The following GALNT18 variants were observed in gnomAD, a reference collection of about 807,000 sequenced individuals.
GALNT18 encodes the protein GalNAc-transferase 18.
Under a neutral mutation model 69.5 loss-of-function variants are expected in GALNT18, and 44 were observed. That is an observed-to-expected ratio of 0.63 (90% CI 0.50 to 0.81). The LOEUF is 0.81. Ranked by LOEUF, GALNT18 falls within the 40% of genes least tolerant of loss-of-function variation. The probability of loss-of-function intolerance (pLI) is 0.00; values close to 1 mark genes in which losing one functional copy is unlikely to be tolerated. For missense variants in GALNT18, 715 were observed against 810.0 expected (o/e 0.88, Z 1.42); for synonymous variants, 364 against 318.2 (o/e 1.14, Z -1.53).
At chr11:11,493,546 G>A (rs538322231) in intron 1 of GALNT18, among the ~76,000 whole-genome samples, 148 of 152,236 alleles carry the variant, frequency 9.7e-4, no homozygotes, top group African/African-American at 3.3e-3. Context: ...AGAGAATTAC[G>A]GATAACATTG....
intron 1 of GALNT18, among the ~76,000 whole-genome samples, chr11:11,508,215 G>A (rs949449023): frequency 2.6e-5 from 4 of 152,100 alleles, no homozygotes; most frequent in Non-Finnish European, 5.9e-5. Context: ...CCTTTGGTCT[G>A]GAACATTCCC....
intron 3 of GALNT18, among the ~76,000 whole-genome samples, chr11:11,394,287 A>C (rs997142169): frequency 6.6e-6 from 1 of 152,196 alleles, no homozygotes; most frequent in African/African-American, 2.4e-5. Context: ...GAATGCATAA[A>C]GGCTAGAAGC....
chr11:11,554,110 C>T (rs1858269487), intron 1 of GALNT18, among the ~76,000 whole-genome samples: 1 of 152,174 alleles, frequency 6.6e-6, no homozygotes, highest in Admixed American at 6.5e-5. Context: ...TCACCACTCC[C>T]TCCGCTGACT....
rs1326724159 is a variant in GALNT18, at chr11:11,511,665, G to T, written c.236-62729C>A. Reference sequence around the variant, plus strand: ...ATCCCCAGTGTGATGATGTTTGAAGGTAGGGCCTTTGGGAGGTGATTGGAT... The same window carrying T: ...ATCCCCAGTGTGATGATGTTTGAAGTTAGGGCCTTTGGGAGGTGATTGGAT... On this transcript the variant is annotated intron_variant, in intron 1 of 10. Transcript: ENST00000227756. This position sits in a 1 kb window ranked among gnomAD's most constrained non-coding sequence, Gnocchi z 4.9. 6.6e-6 allele frequency among the ~76,000 whole-genome samples: 1 copy of T among 152,200 alleles called. No individual in the cohort carries two copies. The highest frequency in any genetic ancestry group is 1.5e-5 in the Non-Finnish European group (1 of 68,028).
chr11:11,362,030 A>T lies in GALNT18; in HGVS notation c.1092+10485T>A, dbSNP rs1850655742. On this transcript the variant is annotated intron_variant, in intron 6 of 10. Transcript: ENST00000227756. Reference sequence around the variant, plus strand: ...AAAATCCAGAAACAGACCCAAAAGTATGTGGCAATTTATTGTACAATAAAG... The same window carrying T: ...AAAATCCAGAAACAGACCCAAAAGTTTGTGGCAATTTATTGTACAATAAAG... Among the ~76,000 whole-genome samples the T allele has an allele frequency of 3.3e-5, 5 of 152,344 alleles. No homozygotes were observed. In the South Asian group the frequency reaches 1.0e-3, roughly 32 times the overall value.
rs1238217164 is a variant in GALNT18, at chr11:11,583,434, C to T, written c.235+37925G>A. 6.6e-6 allele frequency among the ~76,000 whole-genome samples: 1 copy of T among 152,192 alleles called. No homozygotes were observed. Among genetic ancestry groups the T allele is most frequent in the African/African-American group, 2.4e-5 (1 of 41,454 alleles). Reference sequence around the variant, plus strand: ...TTCTGAATGAATGAAGAAATGTAGACTATCTGAATCCATAGGTGAAAATAA... The same window carrying T: ...TTCTGAATGAATGAAGAAATGTAGATTATCTGAATCCATAGGTGAAAATAA... On this transcript the variant is annotated intron_variant, in intron 1 of 10. Transcript: ENST00000227756. The surrounding 1 kb of genome is among the most constrained non-coding windows in gnomAD (Gnocchi z 4.7).
chr11:11,291,629 G>T (rs746610479), intron 10 of GALNT18, among the ~76,000 whole-genome samples: 3 of 151,128 alleles, frequency 2.0e-5, no homozygotes, highest in Non-Finnish European at 4.4e-5. Flanking sequence ...ACTTTGCAGG[G>T]TGAGCTGGGA....
At chr11:11,342,183 G>A (rs556456443) in intron 6 of GALNT18, among the ~76,000 whole-genome samples, 125 of 152,220 alleles carry the variant, frequency 8.2e-4, no homozygotes, top group African/African-American at 2.7e-3. Flanking sequence ...GGCCAAGTAC[G>A]TAGAAGTACT....
chr11:11,297,387 T>C (rs1263685942), intron 9 of GALNT18, among the ~76,000 whole-genome samples: 1 of 152,188 alleles, frequency 6.6e-6, no homozygotes, highest in African/African-American at 2.4e-5. Flanking sequence ...ACGAGAAAGC[T>C]GAGGCACGGA....
In GALNT18 at chr11:11,432,852, GC is replaced by G. The variant is rs1855307186; in HGVS notation, c.429-66del. On this transcript the variant is annotated intron_variant, in intron 2 of 10. Transcript: ENST00000227756. The surrounding 1 kb of genome is among the most constrained non-coding windows in gnomAD (Gnocchi z 5.8). ...TGGAGTCATCTCAGGAGCTGACCCAGCCCATGTCCTGGCTCCAGCTTTGCTG... is the reference window on the plus strand; with the variant it reads ...TGGAGTCATCTCAGGAGCTGACCCAGCCATGTCCTGGCTCCAGCTTTGCTG... The G allele has an allele frequency of 5.2e-6, 8 of 1,529,412 alleles. No homozygotes were observed. Among genetic ancestry groups the G allele is most frequent in the African/African-American group, 1.4e-5 (1 of 72,938 alleles). 94.7% of individuals were successfully genotyped at this position (1,529,412 alleles called of 1,614,324 possible).
At chr11:11,419,067 C>G (rs11021841) in intron 3 of GALNT18, among the ~76,000 whole-genome samples, 57,478 of 151,756 alleles carry the variant, frequency 0.38, 12,122 homozygotes, top group East Asian at 0.81. Context: ...ACAGTATGGG[C>G]ACCGGCGATG....
At chr11:11,283,756 T>TTAAATTC (rs1383158687) in intron 10 of GALNT18, among the ~76,000 whole-genome samples, 2 of 151,876 alleles carry the variant, frequency 1.3e-5, no homozygotes, top group Non-Finnish European at 2.9e-5. Context: ...CACACAATAC[T>TTAAATTC]TTTAATTAAA....
chr11:11,387,006 A>G lies in GALNT18; in HGVS notation c.596-7742T>C, dbSNP rs1854073978. Among the ~76,000 whole-genome samples, 3 of 152,230 alleles carry G rather than the reference A, an allele frequency of 2.0e-5. No homozygotes were observed. The highest frequency in any genetic ancestry group is 2.9e-5 in the Non-Finnish European group (2 of 68,040). On this transcript the variant is annotated intron_variant, in intron 3 of 10. Transcript: ENST00000227756. The surrounding 1 kb of genome is among the most constrained non-coding windows in gnomAD (Gnocchi z 4.6). ...GACTCTCCAGGTGAGATTCTGACGG[A>G]TGGGCCAAACTTGGTTACAACTGAA...
intron 6 of GALNT18, among the ~76,000 whole-genome samples, chr11:11,370,475 A>G (rs1850874752): frequency 6.6e-6 from 1 of 152,094 alleles, no homozygotes; most frequent in South Asian, 2.1e-4. Flanking sequence ...CATCCCTCCC[A>G]TTTGTACTTA....
intron 1 of GALNT18, among the ~76,000 whole-genome samples, chr11:11,455,045 C>T (rs1855895713): frequency 6.6e-6 from 1 of 152,196 alleles, no homozygotes; most frequent in Admixed American, 6.5e-5. Context: ...CCCCAGGGTG[C>T]GGGGAGCTGC....
chr11:11,342,191 A>G (rs1850220565), intron 6 of GALNT18, among the ~76,000 whole-genome samples: 1 of 152,186 alleles, frequency 6.6e-6, no homozygotes, highest in Admixed American at 6.5e-5. Context: ...ACGTAGAAGT[A>G]CTTTATAAGT....
intron 10 of GALNT18, among the ~76,000 whole-genome samples, chr11:11,286,780 A>G (rs1021376597): frequency 7.2e-5 from 11 of 152,172 alleles, no homozygotes; most frequent in Non-Finnish European, 1.3e-4. Flanking sequence ...ACGGGTTGAA[A>G]TAAGGGGTAA....
intron 2 of GALNT18, among the ~76,000 whole-genome samples, chr11:11,447,723 G>A (rs1855690842): frequency 6.6e-6 from 1 of 152,180 alleles, no homozygotes. Flanking sequence ...CAGATCTCAT[G>A]AGAACTTACT....
At chr11:11,328,052 T>C (rs746190) in intron 8 of GALNT18, among the ~76,000 whole-genome samples, 146,400 of 152,210 alleles carry the variant, frequency 0.96, 70,630 homozygotes, top group Non-Finnish European at 1. Context: ...GCCACTAGAA[T>C]TGTAAGGCTG....
Sources: allele counts gnomAD v4.1 joint callset (sites outside exome capture counted in the v4.1 genomes callset), GRCh38; gene constraint gnomAD v4.1.1; non-coding constraint Gnocchi (gnomAD v3.1); transcripts MANE v1.5; gene names NCBI Gene and HGNC (gene_info 2026-07-23, HGNC 2026-07-21).